Variants in RNF217 observed in about 807,000 individuals in gnomAD.
The protein encoded by RNF217 is ring finger protein 217, also known as E3 ubiquitin-protein ligase RNF217.
In RNF217, 31 loss-of-function variants were observed where a neutral mutation model predicts 57.8. The ratio of observed to expected loss-of-function variants is 0.54; its 90% CI spans 0.40 to 0.72. The LOEUF (loss-of-function observed/expected upper bound fraction) is 0.72, where lower values mean the gene tolerates loss of function less well. RNF217 is among the 30% of genes least tolerant of loss of function. RNF217 has a pLI of 0.00. For synonymous variants in RNF217, 313 were observed against 294.0 expected (o/e 1.06, Z -0.66); for missense variants, 696 against 708.3 (o/e 0.98, Z 0.20).
At chr6:125,027,027 G>T in intron 1 of RNF217, among the ~76,000 whole-genome samples, 1 of 151,426 alleles carries the variant, frequency 6.6e-6, no homozygotes, top group South Asian at 2.1e-4. Context: ...ACATTTTTGT[G>T]GGTACATAGT....
chr6:125,054,761 TCACCTTCGGA>T lies in RNF217; in HGVS notation c.1117-3179_1117-3170del, dbSNP rs1243907127. On this transcript the variant is annotated intron_variant, in intron 2 of 5. Coordinates refer to ENST00000521654, the MANE Select transcript of RNF217 (RefSeq NM_001286398.3). ...TCTCAAACTTTAGGATGCATACAAA[TCACCTTCGGA>T]CCTTGTGAAAATGTGCACTTTTGGC... Among the ~76,000 whole-genome samples, 4 of 152,254 alleles carry T rather than the reference TCACCTTCGGA, an allele frequency of 2.6e-5. No homozygotes were observed. The East Asian group carries it at 7.8e-4, about 30-fold the overall frequency.
At chr6:125,039,831 C>T (rs913215307) in intron 1 of RNF217, among the ~76,000 whole-genome samples, 6 of 152,268 alleles carry the variant, frequency 3.9e-5, no homozygotes, top group Admixed American at 3.3e-4. Flanking sequence ...AATTGAACAA[C>T]CTGCTCCTGA....
chr6:125,022,877 A>T (rs1430610017), intron 1 of RNF217, among the ~76,000 whole-genome samples: 1 of 152,062 alleles, frequency 6.6e-6, no homozygotes, highest in East Asian at 1.9e-4. Context: ...CTGTAGCTAG[A>T]GATCACTATT....
intron 1 of RNF217, among the ~76,000 whole-genome samples, chr6:124,966,203 T>C (rs771810857): frequency 1.3e-5 from 2 of 152,220 alleles, no homozygotes; most frequent in Non-Finnish European, 2.9e-5. Context: ...TGGTTAAAAA[T>C]ACAGGATTGT....
At position 125,045,299 on chromosome 6, in the gene RNF217, A is replaced by G; in HGVS notation, c.971A>G (p.His324Arg). 8 of 1,613,446 alleles carry G rather than the reference A, an allele frequency of 5.0e-6. No individual in the cohort carries two copies. Among genetic ancestry groups the G allele is most frequent in the Non-Finnish European group, 5.9e-6 (7 of 1,179,592 alleles). Residue 324 changes from histidine to arginine, a missense_variant, in exon 2 of 6, where the codon CAT becomes CGT. By Grantham distance (29) the His-to-Arg change is conservative. This residue lies in a region of RNF217 where 231 missense variants were observed against 321.4 expected (regional missense o/e 0.72). Coordinates refer to ENST00000521654, the MANE Select transcript of RNF217 (RefSeq NM_001286398.3). ...ACAACTGTTGTCTATAACTTAACGCATGAAGACTCCATCAAGTATAAGTAC... is the reference window on the plus strand; with the variant it reads ...ACAACTGTTGTCTATAACTTAACGCGTGAAGACTCCATCAAGTATAAGTAC... ...EETTVVYNLT[H>R]EDSIKYKYFL...
chr6:124,965,500 G>A (rs1025223655), intron 1 of RNF217, among the ~76,000 whole-genome samples: 1 of 152,150 alleles, frequency 6.6e-6, no homozygotes, highest in Admixed American at 6.5e-5. Flanking sequence ...TTGAACCCAG[G>A]AGGCAGAGGT....
In RNF217 at chr6:124,962,679, C is replaced by G; in HGVS notation, c.135C>G (p.Ala45=). Residue 45 remains alanine (A), a synonymous_variant, in exon 1 of 6, where the codon GCC becomes GCG. Coordinates refer to ENST00000521654, the MANE Select transcript of RNF217 (RefSeq NM_001286398.3). This position sits in a 1 kb window ranked among gnomAD's most constrained non-coding sequence, Gnocchi z 4.6. ...GDSARAPPLR[A]ASAEPSGGGC... is the part of the protein sequence containing the mutation. ...GCGCCCGGGCGCCCCCGCTGCGCGC[C>G]GCCTCCGCGGAGCCGAGCGGCGGTG... 7.4e-7 allele frequency: 1 copy of G among 1,345,008 alleles called. No individual in the cohort carries two copies. The highest frequency in any genetic ancestry group is 9.4e-7 in the Non-Finnish European group (1 of 1,059,954). 83.3% of individuals were successfully genotyped at this position (1,345,008 alleles called of 1,614,324 possible). A position where few individuals can be genotyped will look rare whatever the true frequency, so the allele number is the denominator to read the frequency against.
intron 3 of RNF217, among the ~76,000 whole-genome samples, chr6:125,075,111 T>C (rs1167251383): frequency 1.3e-5 from 2 of 152,204 alleles, no homozygotes; most frequent in Non-Finnish European, 2.9e-5. Flanking sequence ...AGCCCAACAC[T>C]AATTTGTAAA....
At chr6:125,072,619 G>A (rs965677962) in intron 3 of RNF217, among the ~76,000 whole-genome samples, 2 of 152,146 alleles carry the variant, frequency 1.3e-5, no homozygotes, top group African/African-American at 2.4e-5. Flanking sequence ...TAAAATTACA[G>A]TGAAAATTAT....
intron 1 of RNF217, among the ~76,000 whole-genome samples, chr6:125,010,322 A>C (rs1163714203): frequency 6.6e-6 from 1 of 152,114 alleles, no homozygotes; most frequent in East Asian, 1.9e-4. Flanking sequence ...TTAGTGATCA[A>C]ATATGTTCAA....
intron 1 of RNF217, among the ~76,000 whole-genome samples, chr6:125,024,788 A>T (rs1392486630): frequency 6.6e-6 from 1 of 151,622 alleles, no homozygotes; most frequent in Non-Finnish European, 1.5e-5. Flanking sequence ...GTTTGTTTTT[A>T]GACTGTTGAG....
Position 125,077,409 on chromosome 6 carries a change from A to G in RNF217, c.1483+551A>G, listed in dbSNP as rs17052705. On this transcript the variant is annotated intron_variant, in intron 4 of 5. Transcript: ENST00000521654. ...AATATAATAAGTATCAAATGCCCTC[A>G]GTGCATACAAACCCAAGTTTAATTA... Among the ~76,000 whole-genome samples the G allele has an allele frequency of 4.0e-3, 609 of 152,332 alleles. 2 individuals are homozygous for G. Among genetic ancestry groups the G allele is most frequent in the African/African-American group, 0.014 (580 of 41,578 alleles).
At chr6:125,019,971 C>G (rs529876263) in intron 1 of RNF217, among the ~76,000 whole-genome samples, 2 of 152,064 alleles carry the variant, frequency 1.3e-5, no homozygotes, top group African/African-American at 2.4e-5. Context: ...TAACCCTGGG[C>G]GAGGGACTCC....
intron 1 of RNF217, among the ~76,000 whole-genome samples, chr6:125,019,932 C>T (rs527637401): frequency 3.9e-5 from 6 of 152,132 alleles, no homozygotes; most frequent in Admixed American, 3.9e-4. Flanking sequence ...TGCCTCTTAG[C>T]TTAGTCAGCT....
intron 1 of RNF217, among the ~76,000 whole-genome samples, chr6:125,033,911 A>G (rs1172254642): frequency 1.3e-5 from 2 of 151,862 alleles, no homozygotes; most frequent in African/African-American, 2.4e-5. Flanking sequence ...ATGGTATCTC[A>G]TTGTGGTTTT....
chr6:124,963,856 G>A (rs1166965922), intron 1 of RNF217, among the ~76,000 whole-genome samples: 1 of 152,232 alleles, frequency 6.6e-6, no homozygotes, highest in Non-Finnish European at 1.5e-5. Context: ...CATAATACAT[G>A]AATTTGTAAT....
chr6:125,026,251 T>C lies in RNF217; in HGVS notation c.883-18960T>C, dbSNP rs183986141. On this transcript the variant is annotated intron_variant, in intron 1 of 5. Coordinates refer to ENST00000521654, the MANE Select transcript of RNF217 (RefSeq NM_001286398.3). ...GACATCTGCAGTGACACAGTGGCAA[T>C]GTGTCCAGGCTCTGCCAGTGACTAA... 6.4e-4 allele frequency among the ~76,000 whole-genome samples: 97 copies of C among 152,324 alleles called. 1 individual carries two copies. The highest frequency in any genetic ancestry group is 2.0e-3 in the African/African-American group (83 of 41,576).
chr6:125,003,811 A>C (rs974569208), intron 1 of RNF217, among the ~76,000 whole-genome samples: 1 of 152,148 alleles, frequency 6.6e-6, no homozygotes, highest in Non-Finnish European at 1.5e-5. Context: ...TACCATAAGA[A>C]GCTCATAGCT....
In RNF217 at chr6:125,081,512, G is replaced by C; in HGVS notation, c.1555+5G>C. ...GGGCCATAGCGGTTGTAATCGGTAAGAAACACTTCATGCATCTGAGATTAG... is the reference window on the plus strand; with the variant it reads ...GGGCCATAGCGGTTGTAATCGGTAACAAACACTTCATGCATCTGAGATTAG... On this transcript the variant is annotated splice_donor_5th_base_variant and intron_variant, in intron 5 of 5. Transcript: ENST00000521654. 1 of 1,605,788 alleles carries C rather than the reference G, an allele frequency of 6.2e-7. No individual in the cohort carries two copies. Among genetic ancestry groups the C allele is most frequent in the Non-Finnish European group, 8.5e-7 (1 of 1,173,508 alleles).
Sources: allele counts gnomAD v4.1 joint callset (sites outside exome capture counted in the v4.1 genomes callset), GRCh38; gene constraint gnomAD v4.1.1; regional missense constraint gnomAD v4.1.1; non-coding constraint Gnocchi (gnomAD v3.1); transcripts MANE v1.5; gene names NCBI Gene and HGNC (gene_info 2026-07-23, HGNC 2026-07-21).